The following DCC variants were observed in gnomAD, a reference collection of about 807,000 sequenced individuals.
DCC encodes the protein netrin receptor DCC.
In DCC, 58 loss-of-function variants were observed where a neutral mutation model predicts 172.5. The observed-to-expected ratio is 0.34, with a 90% CI of 0.27 to 0.42. The LOEUF is 0.42. DCC is among the 10% of genes least tolerant of loss of function. The pLI, the probability that DCC is intolerant of heterozygous loss-of-function variation, is 1.00. For synonymous variants in DCC, 709 were observed against 644.5 expected (o/e 1.10, Z -1.52); for missense variants, 1,740 against 1,791.0 (o/e 0.97, Z 0.51).
chr18:52,414,964 G>A (rs374084446), intron 1 of DCC, among the ~76,000 whole-genome samples: 1 of 152,174 alleles, frequency 6.6e-6, no homozygotes, highest in African/African-American at 2.4e-5. Context: ...TTCTAGCAGT[G>A]AATTACAAAT....
intron 8 of DCC, among the ~76,000 whole-genome samples, chr18:53,163,963 A>G (rs539130446): frequency 3.6e-4 from 55 of 152,298 alleles, no homozygotes; most frequent in African/African-American, 1.3e-3. Context: ...TATGTTTACC[A>G]AGATGAGACT....
chr18:52,394,678 C>T (rs1262576927), intron 1 of DCC, among the ~76,000 whole-genome samples: 2 of 152,022 alleles, frequency 1.3e-5, no homozygotes, highest in Non-Finnish European at 2.9e-5. Flanking sequence ...TTATTTCCTG[C>T]AGCTTCCAGA....
chr18:53,264,605 A>G (rs994191095), intron 12 of DCC, among the ~76,000 whole-genome samples: 4 of 151,888 alleles, frequency 2.6e-5, no homozygotes, highest in African/African-American at 9.7e-5. Context: ...AAGGTCAGAG[A>G]TGGAGTCAGT....
intron 3 of DCC, among the ~76,000 whole-genome samples, chr18:52,906,926 A>G (rs373894721): frequency 6.6e-6 from 1 of 151,972 alleles, no homozygotes; most frequent in Non-Finnish European, 1.5e-5. Context: ...GGCTCTGAGC[A>G]TACTGTAGTG....
chr18:52,387,574 TCTTCCTTCCTTCCTTC>T (rs58543615), intron 1 of DCC, among the ~76,000 whole-genome samples: 9,708 of 122,064 alleles, frequency 0.08, 483 homozygotes, highest in South Asian at 0.18. Flanking sequence ...TTGTTTTGTT[TCTTCCTTCCTTCCTTC>T]CTTCCTTCCT....
chr18:52,749,623 G>A (rs947334546), intron 1 of DCC, among the ~76,000 whole-genome samples: 3 of 152,162 alleles, frequency 2.0e-5, no homozygotes, highest in African/African-American at 7.2e-5. Flanking sequence ...AAGGGTAATT[G>A]TGTTAAAGTT....
At chr18:52,905,510 T>C (rs981799072) in intron 2 of DCC, among the ~76,000 whole-genome samples, 5 of 152,128 alleles carry the variant, frequency 3.3e-5, no homozygotes, top group Admixed American at 3.3e-4. Flanking sequence ...TAAAAGACAA[T>C]CCTTTGTTAC....
chr18:52,568,381 T>A (rs1485702808), intron 1 of DCC, among the ~76,000 whole-genome samples: 1 of 152,090 alleles, frequency 6.6e-6, no homozygotes, highest in Non-Finnish European at 1.5e-5. Context: ...TATTATTCTT[T>A]AGCAGTAAAA....
At chr18:53,236,396 T>A (rs1598933894) in intron 12 of DCC, among the ~76,000 whole-genome samples, 1 of 152,142 alleles carries the variant, frequency 6.6e-6, no homozygotes, top group Admixed American at 6.5e-5. Context: ...TTAGGTTGAA[T>A]TGTTAATCTT....
chr18:52,433,470 T>TA (rs1987690072), intron 1 of DCC, among the ~76,000 whole-genome samples: 1 of 152,150 alleles, frequency 6.6e-6, no homozygotes, highest in Admixed American at 6.6e-5. Context: ...CTCTTTATAA[T>TA]ACATCAAGTC....
chr18:53,456,658 G>A (rs551231451), intron 23 of DCC, among the ~76,000 whole-genome samples: 3 of 152,312 alleles, frequency 2.0e-5, no homozygotes, highest in Admixed American at 2.0e-4. Context: ...AGTGGGGCCT[G>A]AGAATGTGCA....
intron 12 of DCC, among the ~76,000 whole-genome samples, chr18:53,266,832 T>A (rs2056680788): frequency 6.6e-6 from 1 of 152,020 alleles, no homozygotes; most frequent in African/African-American, 2.4e-5. Flanking sequence ...TTAAGGTTCA[T>A]CCATTTGGAG....
chr18:53,162,407 C>T (rs2054856519), intron 8 of DCC, among the ~76,000 whole-genome samples: 2 of 152,100 alleles, frequency 1.3e-5, no homozygotes, highest in South Asian at 4.1e-4. Context: ...TTGCAGTAAT[C>T]TCCTAATTCT....
At chr18:52,948,073 G>A (rs761222164) in intron 5 of DCC, among the ~76,000 whole-genome samples, 33 of 152,114 alleles carry the variant, frequency 2.2e-4, no homozygotes, top group Admixed American at 3.3e-4. Context: ...TAAAATAATA[G>A]CAGTATGAAA....
intron 2 of DCC, among the ~76,000 whole-genome samples, chr18:52,884,999 T>C (rs2039548406): frequency 6.6e-6 from 1 of 152,180 alleles, no homozygotes; most frequent in African/African-American, 2.4e-5. Flanking sequence ...TTCCTTACTT[T>C]GTCTCAAACG....
chr18:53,319,489 C>G (rs2057383056), intron 13 of DCC, among the ~76,000 whole-genome samples: 1 of 152,088 alleles, frequency 6.6e-6, no homozygotes, highest in Non-Finnish European at 1.5e-5. Flanking sequence ...ATAAAACAGA[C>G]TTTAAAGCCA....
At chr18:52,666,845 A>G (rs1395675421) in intron 1 of DCC, among the ~76,000 whole-genome samples, 5 of 152,212 alleles carry the variant, frequency 3.3e-5, no homozygotes, top group African/African-American at 4.8e-5. Flanking sequence ...TGAAGAAAAT[A>G]CTTTTTTCCC....
chr18:52,472,132 T>C (rs147632538), intron 1 of DCC, among the ~76,000 whole-genome samples: 1 of 152,300 alleles, frequency 6.6e-6, no homozygotes, highest in East Asian at 1.9e-4. Context: ...TGTACAAGAA[T>C]GGATTTTGAG....
chr18:52,750,242 A>T (rs1181808859), intron 1 of DCC, among the ~76,000 whole-genome samples: 1 of 152,186 alleles, frequency 6.6e-6, no homozygotes, highest in Non-Finnish European at 1.5e-5. Flanking sequence ...CTGAGGGCTT[A>T]AAAGACCTTT....
Sources: allele counts gnomAD v4.1 joint callset (sites outside exome capture counted in the v4.1 genomes callset), GRCh38; gene constraint gnomAD v4.1.1; transcripts MANE v1.5; gene names NCBI Gene and HGNC (gene_info 2026-07-23, HGNC 2026-07-21).